TMEM132B: variants seen among roughly 807,000 people sequenced by gnomAD.
TMEM132B encodes the protein transmembrane protein 132B.
In TMEM132B, 18 loss-of-function variants were observed where a neutral mutation model predicts 90.8. The observed-to-expected ratio is 0.20, with a 90% CI of 0.14 to 0.29. The LOEUF (loss-of-function observed/expected upper bound fraction) is 0.29. Ranked by LOEUF, TMEM132B falls within the 10% of genes least tolerant of loss-of-function variation. The probability of loss-of-function intolerance (pLI) is 1.00; values close to 1 mark genes in which losing one functional copy is unlikely to be tolerated. For missense variants in TMEM132B, 1,096 were observed against 1,326.8 expected (o/e 0.83, Z 2.70); for synonymous variants, 504 against 523.3 (o/e 0.96, Z 0.50).
Position 125,350,504 on chromosome 12 carries a change from A to T in TMEM132B, c.959+161A>T, listed in dbSNP as rs187448989. ...AACAGATTTTATTCAGTAACTACGG[A>T]CAGTAGGTAAAAGAGCTGAGCTTCA... On this transcript the variant is annotated intron_variant, in intron 2 of 8. Coordinates refer to ENST00000682704, the MANE Select transcript of TMEM132B (RefSeq NM_001366854.1). Among the ~76,000 whole-genome samples the T allele has an allele frequency of 1.8e-4, 27 of 152,340 alleles. No individual in the cohort carries two copies. The East Asian group carries it at 4.0e-3, about 23-fold the overall frequency.
chr12:125,278,886 T>C (rs921156352), intron 1 of TMEM132B, among the ~76,000 whole-genome samples: 14 of 152,120 alleles, frequency 9.2e-5, no homozygotes, highest in African/African-American at 3.4e-4. Context: ...AATTTCCCTC[T>C]CTGAAGACCC....
intron 5 of TMEM132B, among the ~76,000 whole-genome samples, chr12:125,623,971 T>C (rs751428392): frequency 1.1e-4 from 16 of 152,194 alleles, no homozygotes; most frequent in East Asian, 5.8e-4. Flanking sequence ...GATTCTACGA[T>C]GGAAGTGTGT....
At chr12:125,256,308 A>G (rs1400520028) in intron 1 of TMEM132B, among the ~76,000 whole-genome samples, 1 of 152,226 alleles carries the variant, frequency 6.6e-6, no homozygotes, top group African/African-American at 2.4e-5. Context: ...GCTGAGGGCA[A>G]CTTAAGAACA....
In TMEM132B at chr12:125,244,018, C is replaced by T. The variant is rs150880080; in HGVS notation, c.67+57152C>T. On this transcript the variant is annotated intron_variant, in intron 1 of 8. Transcript: ENST00000682704. ...CTTGTCAATGGAATCACACACAATG[C>T]AGCCTTTGTGTCTGGCTTCTTTCAC... 2.9e-3 allele frequency among the ~76,000 whole-genome samples: 445 copies of T among 152,322 alleles called. 1 individual carries two copies. The highest frequency in any genetic ancestry group is 0.01 in the African/African-American group (423 of 41,570).
chr12:125,427,254 C>T (rs2136390444), intron 3 of TMEM132B, among the ~76,000 whole-genome samples: 1 of 152,288 alleles, frequency 6.6e-6, no homozygotes, highest in East Asian at 1.9e-4. Context: ...AGCAGACCTT[C>T]CTGATGCAAC....
At chr12:125,499,221 G>A (rs1882632835) in intron 3 of TMEM132B, among the ~76,000 whole-genome samples, 1 of 152,114 alleles carries the variant, frequency 6.6e-6, no homozygotes, top group Non-Finnish European at 1.5e-5. Context: ...CTAATTGACA[G>A]GCCCTAGGAA....
At chr12:125,503,516 A>G (rs1882751709) in intron 3 of TMEM132B, among the ~76,000 whole-genome samples, 1 of 152,302 alleles carries the variant, frequency 6.6e-6, no homozygotes, top group South Asian at 2.1e-4. Flanking sequence ...GAGAACATAC[A>G]CCAGTGGACC....
chr12:125,477,155 T>A (rs1881904258), intron 3 of TMEM132B, among the ~76,000 whole-genome samples: 1 of 152,226 alleles, frequency 6.6e-6, no homozygotes, highest in Admixed American at 6.5e-5. Context: ...AATTTATGTC[T>A]TTATCAACTG....
chr12:125,285,028 C>A (rs35107050), intron 1 of TMEM132B, among the ~76,000 whole-genome samples: 36,478 of 152,204 alleles, frequency 0.24, 4,664 homozygotes, highest in Non-Finnish European at 0.27. Context: ...TAAGATACCC[C>A]ACACCATCAG....
At chr12:125,643,604 A>G (rs1282465576) in intron 5 of TMEM132B, among the ~76,000 whole-genome samples, 1 of 152,220 alleles carries the variant, frequency 6.6e-6, no homozygotes, top group Non-Finnish European at 1.5e-5. Context: ...GCCTACCAGG[A>G]TTTTAATCTA....
intron 2 of TMEM132B, among the ~76,000 whole-genome samples, chr12:125,405,719 C>T (rs771169446): frequency 3.3e-5 from 5 of 152,158 alleles, no homozygotes; most frequent in Non-Finnish European, 4.4e-5. Context: ...CCACAGATTT[C>T]GCATTTGTAA....
chr12:125,322,976 T>C (rs182977576), intron 1 of TMEM132B, among the ~76,000 whole-genome samples: 10 of 152,310 alleles, frequency 6.6e-5, no homozygotes, highest in Admixed American at 3.9e-4. Context: ...CGGTACCTTG[T>C]TTTTTTCCAC....
At chr12:125,596,175 A>T (rs969839516) in intron 5 of TMEM132B, among the ~76,000 whole-genome samples, 2 of 152,182 alleles carry the variant, frequency 1.3e-5, no homozygotes, top group Non-Finnish European at 2.9e-5. Context: ...GCAGTTTATT[A>T]GTGTTTTATT....
In TMEM132B at chr12:125,408,662, C is replaced by A. The variant is rs1280441365; in HGVS notation, c.960-6869C>A. On this transcript the variant is annotated intron_variant, in intron 2 of 8. Transcript: ENST00000682704. This position sits in a 1 kb window ranked among gnomAD's most constrained non-coding sequence, Gnocchi z 5.9. ...GGTTGTTTCCATTTTGGGCTGATGG[C>A]AGGGCTGTCGTGCACCTTCTTGTAT... 6.6e-6 allele frequency among the ~76,000 whole-genome samples: 1 copy of A among 152,166 alleles called. No homozygotes were observed. The highest frequency in any genetic ancestry group is 2.4e-5 in the African/African-American group (1 of 41,434).
At chr12:125,394,929 A>G (rs536407306) in intron 2 of TMEM132B, among the ~76,000 whole-genome samples, 10 of 152,188 alleles carry the variant, frequency 6.6e-5, no homozygotes, top group East Asian at 3.8e-4. Flanking sequence ...AAAATTATCA[A>G]TTGGGTACAA....
In TMEM132B at chr12:125,593,537, G is replaced by A. The variant is rs12227612; in HGVS notation, c.1437+9543G>A. On this transcript the variant is annotated intron_variant, in intron 5 of 8. Transcript: ENST00000682704. Reference sequence around the variant, plus strand: ...AGGCCCTGCTTAGGTCTGAGGTTAGGGGATTACTAGAGAATTGGCGTGTGA... The same window carrying A: ...AGGCCCTGCTTAGGTCTGAGGTTAGAGGATTACTAGAGAATTGGCGTGTGA... 6.3e-4 allele frequency among the ~76,000 whole-genome samples: 96 copies of A among 152,218 alleles called. 1 individual carries two copies. The East Asian group carries it at 0.017, about 26-fold the overall frequency.
chr12:125,304,938 T>TGTTG (rs1266196172), intron 1 of TMEM132B, among the ~76,000 whole-genome samples: 1 of 152,088 alleles, frequency 6.6e-6, no homozygotes, highest in East Asian at 1.9e-4. Flanking sequence ...TTTTCCTGAG[T>TGTTG]GTTGGGAGGT....
chr12:125,489,968 A>G (rs1249922089), intron 3 of TMEM132B, among the ~76,000 whole-genome samples: 4 of 152,212 alleles, frequency 2.6e-5, no homozygotes, highest in Non-Finnish European at 5.9e-5. Flanking sequence ...ACCTTATATG[A>G]TACTGTCATT....
intron 3 of TMEM132B, among the ~76,000 whole-genome samples, chr12:125,447,204 C>G (rs1881027727): frequency 6.6e-6 from 1 of 152,034 alleles, no homozygotes; most frequent in Admixed American, 6.5e-5. Flanking sequence ...AATGTGAAGA[C>G]TAATATATGT....
Sources: allele counts gnomAD v4.1 joint callset (sites outside exome capture counted in the v4.1 genomes callset), GRCh38; gene constraint gnomAD v4.1.1; non-coding constraint Gnocchi (gnomAD v3.1); transcripts MANE v1.5; gene names NCBI Gene and HGNC (gene_info 2026-07-23, HGNC 2026-07-21).